Variants in FIGN observed in about 807,000 individuals in gnomAD.
FIGN encodes fidgetin, microtubule severing factor, also known as fidgetin.
Under a neutral mutation model 51.3 loss-of-function variants are expected in FIGN, and 11 were observed. The ratio of observed to expected loss-of-function variants is 0.21; its 90% CI spans 0.13 to 0.35. The LOEUF (loss-of-function observed/expected upper bound fraction) is 0.35, where lower values mean the gene tolerates loss of function less well. Ranked by LOEUF, FIGN falls within the 10% of genes least tolerant of loss-of-function variation. The pLI is 1.00. For missense variants in FIGN, 857 were observed against 943.6 expected (o/e 0.91, Z 1.20); for synonymous variants, 407 against 363.2 (o/e 1.12, Z -1.37).
At chr2:163,734,517 A>T (rs542045630) in intron 2 of FIGN, among the ~76,000 whole-genome samples, 2 of 141,876 alleles carry the variant, frequency 1.4e-5, no homozygotes, top group South Asian at 4.6e-4. Context: ...AATCTTTCCC[A>T]ACACTCCTGC....
chr2:163,658,653 C>A (rs764918870), intron 2 of FIGN, among the ~76,000 whole-genome samples: 1 of 152,026 alleles, frequency 6.6e-6, no homozygotes, highest in Non-Finnish European at 1.5e-5. Flanking sequence ...CTTTTTTCAA[C>A]AAGCAGTTCT....
chr2:163,630,678 G>T (rs769327003), intron 2 of FIGN, among the ~76,000 whole-genome samples: 1 of 150,940 alleles, frequency 6.6e-6, no homozygotes, highest in East Asian at 1.9e-4. Flanking sequence ...AAAAAAAAGG[G>T]GGGGGGGAAT....
chr2:163,719,081 A>G (rs1684714629), intron 2 of FIGN, among the ~76,000 whole-genome samples: 1 of 152,168 alleles, frequency 6.6e-6, no homozygotes, highest in Non-Finnish European at 1.5e-5. Context: ...TAGGCAGAAG[A>G]TACGACAAGA....
At chr2:163,614,158 G>T (rs1356225014) in intron 2 of FIGN, among the ~76,000 whole-genome samples, 1 of 152,134 alleles carries the variant, frequency 6.6e-6, no homozygotes, top group African/African-American at 2.4e-5. Flanking sequence ...GAGAACTAAA[G>T]TGGTATTCTT....
chr2:163,665,472 G>T (rs762466082), intron 2 of FIGN, among the ~76,000 whole-genome samples: 32 of 152,212 alleles, frequency 2.1e-4, no homozygotes, highest in Non-Finnish European at 4.3e-4. Flanking sequence ...GGAAACAGTT[G>T]TTTTCCTCCT....
Position 163,611,016 on chromosome 2 carries a change from T to C in FIGN, c.816A>G (p.Ser272=). Residue 272 remains serine, a synonymous_variant, in exon 3 of 3, where the codon TCA becomes TCG. Coordinates refer to ENST00000333129, the MANE Select transcript of FIGN (RefSeq NM_018086.4). ...YSPGGAPPPP[S]AYLPSGIPAP... is the part of the protein sequence containing the mutation. The stretch of plus-strand genomic sequence containing the variant: ...CAGGAATTCCTGAAGGCAGGTACGC[T>C]GAAGGCGGAGGCGGTGCCCCCCCAG... The C allele has an allele frequency of 1.2e-6, 2 of 1,613,732 alleles. No individual in the cohort carries two copies. Among genetic ancestry groups the C allele is most frequent in the Non-Finnish European group, 1.7e-6 (2 of 1,179,974 alleles).
intron 2 of FIGN, among the ~76,000 whole-genome samples, chr2:163,654,605 T>C (rs562685713): frequency 4.6e-5 from 7 of 152,252 alleles, no homozygotes; most frequent in African/African-American, 1.7e-4. Flanking sequence ...GATTGGGATG[T>C]TTCTGTAAAG....
chr2:163,653,888 C>G (rs1288307699), intron 2 of FIGN, among the ~76,000 whole-genome samples: 1 of 151,996 alleles, frequency 6.6e-6, no homozygotes, highest in Non-Finnish European at 1.5e-5. Flanking sequence ...TCAAAAATAA[C>G]AGAAAAGCAA....
In FIGN at chr2:163,621,206, T is replaced by C. The variant is rs188080770; in HGVS notation, c.26-9400A>G. Among the ~76,000 whole-genome samples the C allele has an allele frequency of 8.5e-5, 13 of 152,278 alleles. No individual in the cohort carries two copies. The East Asian group carries it at 2.5e-3, about 29-fold the overall frequency. ...GGTAAAACTGTTCAACCATTCTCCTTAAAAACTTTGCTTTAGGTGACTCTA... is the reference window on the plus strand; with the variant it reads ...GGTAAAACTGTTCAACCATTCTCCTCAAAAACTTTGCTTTAGGTGACTCTA... On this transcript the variant is annotated intron_variant, in intron 2 of 2. Transcript: ENST00000333129.
At chr2:163,651,991 T>C (rs899775954) in intron 2 of FIGN, among the ~76,000 whole-genome samples, 6 of 152,160 alleles carry the variant, frequency 3.9e-5, no homozygotes, top group African/African-American at 1.2e-4. Flanking sequence ...ACAGCTATCT[T>C]AAGGACATCT....
At chr2:163,635,718 T>TAA (rs1267979506) in intron 2 of FIGN, among the ~76,000 whole-genome samples, 3 of 152,340 alleles carry the variant, frequency 2.0e-5, no homozygotes, top group African/African-American at 7.2e-5. Context: ...ATGACTGGTC[T>TAA]AAATGATATT....
chr2:163,678,343 C>G (rs1684006716), intron 2 of FIGN, among the ~76,000 whole-genome samples: 2 of 152,136 alleles, frequency 1.3e-5, no homozygotes. Context: ...GCCTCAGCCT[C>G]CCGAGTAGCT....
At chr2:163,656,967 T>C (rs1683568914) in intron 2 of FIGN, among the ~76,000 whole-genome samples, 2 of 152,148 alleles carry the variant, frequency 1.3e-5, no homozygotes. Context: ...GTTCTGAATG[T>C]ATATGGAAAA....
intron 2 of FIGN, chr2:163,617,095 C>T (rs887675152): frequency 6.1e-6 from 6 of 985,080 alleles, no homozygotes; most frequent in Non-Finnish European, 7.2e-6. Flanking sequence ...ACAGCATTAT[C>T]TAGTATTACT....
chr2:163,663,455 C>A (rs1283635343), intron 2 of FIGN, among the ~76,000 whole-genome samples: 1 of 151,782 alleles, frequency 6.6e-6, no homozygotes, highest in Non-Finnish European at 1.5e-5. Context: ...CTGCCTCAGT[C>A]TCCCAAGTAG....
chr2:163,706,733 T>C (rs1684505056), intron 2 of FIGN, among the ~76,000 whole-genome samples: 1 of 152,142 alleles, frequency 6.6e-6, no homozygotes, highest in Admixed American at 6.6e-5. Flanking sequence ...AACCCAATCT[T>C]TGAGGAACAG....
intron 2 of FIGN, among the ~76,000 whole-genome samples, chr2:163,658,666 T>G (rs1683603287): frequency 6.6e-6 from 1 of 151,984 alleles, no homozygotes; most frequent in South Asian, 2.1e-4. Flanking sequence ...GCAGTTCTCA[T>G]GGGAACTAAG....
At chr2:163,640,659 G>A (rs960865963) in intron 2 of FIGN, among the ~76,000 whole-genome samples, 2 of 151,792 alleles carry the variant, frequency 1.3e-5, no homozygotes, top group Non-Finnish European at 2.9e-5. Flanking sequence ...AAGACCTATT[G>A]ACTTGAAAAA....
chr2:163,725,729 A>G (rs1436621834), intron 2 of FIGN, among the ~76,000 whole-genome samples: 2 of 152,148 alleles, frequency 1.3e-5, no homozygotes, highest in African/African-American at 2.4e-5. Context: ...AAAATTAAAA[A>G]AGTAAACAAA....
Sources: gnomAD v4.1 joint callset for allele counts (sites outside exome capture counted in the v4.1 genomes callset) on GRCh38, gnomAD v4.1.1 for gene constraint, MANE v1.5 for transcripts, NCBI Gene and HGNC (gene_info 2026-07-23, HGNC 2026-07-21) for gene names.